The following DMD variants were observed in gnomAD, a reference collection of about 807,000 sequenced individuals.
DMD encodes the protein dystrophin.
DMD carries 63 observed loss-of-function variants against 330.1 expected under a neutral mutation model. That is an observed-to-expected ratio of 0.19 (90% CI 0.16 to 0.24). DMD has a LOEUF of 0.24. Among genes scored for constraint, DMD ranks in the 10% least tolerant of loss-of-function variants. The pLI is 1.00. For missense variants in DMD, 3,344 were observed against 2,684.1 expected, an observed-to-expected ratio of 1.25 and a Z score of -5.43; for synonymous variants, 1,223 against 959.8, an observed-to-expected ratio of 1.27 and a Z score of -5.07.
At position 31,421,987 on chromosome X, in the gene DMD, G is replaced by GTA. The variant is rs2063441364; in HGVS notation, c.9084+22492_9084+22493dup. Among the ~76,000 whole-genome samples, 3 of 49,280 alleles carry GTA rather than the reference G, an allele frequency of 6.1e-5. No homozygotes were observed. In the South Asian group the frequency reaches 2.5e-3, roughly 41 times the overall value. 42.8% of individuals were successfully genotyped at this position (49,280 alleles called of 115,157 possible). On this transcript the variant is annotated intron_variant, in intron 60 of 78. Coordinates refer to ENST00000357033, the MANE Select transcript of DMD (RefSeq NM_004006.3). Reference sequence around the variant, plus strand: ...CATATATATATACACATATATATATGTATATATACACACACATATATATAT... The same window carrying GTA: ...CATATATATATACACATATATATATGTATATATATACACACACATATATATAT...
chrX:31,448,772 T>C (rs1305707144), intron 59 of DMD, among the ~76,000 whole-genome samples: 1 of 112,000 alleles, frequency 8.9e-6, no homozygotes, highest in Non-Finnish European at 1.9e-5. Flanking sequence ...GCAAACCAAG[T>C]CTAATTTTAT....
intron 55 of DMD, among the ~76,000 whole-genome samples, chrX:31,608,678 G>A (rs1023320561): frequency 1.3e-4 from 14 of 111,217 alleles, no homozygotes; most frequent in African/African-American, 3.3e-4. Flanking sequence ...GTCTTTTATC[G>A]TTTTCCTGAG....
rs146545055 is a variant in DMD at position 32,746,331 on chromosome X, C to T, written c.650-47038G>A. 3.7e-3 allele frequency among the ~76,000 whole-genome samples: 413 copies of T among 110,773 alleles called. 3 individuals carry two copies. Among genetic ancestry groups the T allele is most frequent in the African/African-American group, 0.012 (376 of 30,444 alleles). On this transcript the variant is annotated intron_variant, in intron 7 of 78. Transcript: ENST00000357033. ...GGAAAGTATATGGAAACTATGTTCACGTTTTTTATTTTTCAAGAAAATCTA... is the reference window on the plus strand; with the variant it reads ...GGAAAGTATATGGAAACTATGTTCATGTTTTTTATTTTTCAAGAAAATCTA...
At chrX:32,288,600 A>G (rs1264646572) in intron 42 of DMD, among the ~76,000 whole-genome samples, 2 of 111,926 alleles carry the variant, frequency 1.8e-5, no homozygotes, top group Non-Finnish European at 3.8e-5. Flanking sequence ...CATAATTGGG[A>G]TCATATCACT....
intron 11 of DMD, among the ~76,000 whole-genome samples, chrX:32,622,818 C>T (rs1451253052): frequency 9.0e-6 from 1 of 111,713 alleles, no homozygotes; most frequent in Non-Finnish European, 1.9e-5. Flanking sequence ...TACAGCCCAC[C>T]TGGTGATTCT....
At chrX:32,699,367 C>T in intron 7 of DMD, 74 bp from the exon 8 acceptor site, 2 of 842,689 alleles carry the variant, frequency 2.4e-6, no homozygotes, top group East Asian at 3.1e-5. Context: ...ATGAACAAAT[C>T]AAAGTTAAAG....
At chrX:32,639,550 T>A (rs1190831319) in intron 11 of DMD, among the ~76,000 whole-genome samples, 1 of 112,457 alleles carries the variant, frequency 8.9e-6, no homozygotes, top group South Asian at 3.6e-4. Flanking sequence ...GCCAAACTCA[T>A]TTGTGACTGG....
intron 33 of DMD, among the ~76,000 whole-genome samples, chrX:32,381,724 T>C (rs2097925799): frequency 1.8e-5 from 2 of 111,564 alleles, no homozygotes; most frequent in Non-Finnish European, 3.8e-5. Flanking sequence ...TGGTAGAATT[T>C]ACATAAAGAG....
chrX:32,747,638 C>A (rs1034397117), intron 7 of DMD, among the ~76,000 whole-genome samples: 1 of 107,280 alleles, frequency 9.3e-6, no homozygotes, highest in Non-Finnish European at 1.9e-5. Context: ...CAGGTTTGCA[C>A]TACCACACCT....
chrX:31,451,331 G>A (rs1404521386), intron 59 of DMD, among the ~76,000 whole-genome samples: 1 of 97,078 alleles, frequency 1.0e-5, no homozygotes, highest in Middle Eastern at 4.7e-3. Flanking sequence ...TGCCCAGGCT[G>A]GAGTACAATG....
At chrX:32,681,425 G>A (rs1423391991) in intron 9 of DMD, among the ~76,000 whole-genome samples, 2 of 111,627 alleles carry the variant, frequency 1.8e-5, no homozygotes, top group African/African-American at 6.5e-5. Context: ...ATCCCACCTT[G>A]TATTACTCAT....
chrX:32,526,388 G>T (rs1311465288), intron 17 of DMD, among the ~76,000 whole-genome samples: 1 of 110,436 alleles, frequency 9.1e-6, no homozygotes, highest in Non-Finnish European at 1.9e-5. Flanking sequence ...ATTAAAACTT[G>T]TAAAGTCCCA....
In DMD at chrX:31,214,342, C is replaced by T. The variant is rs1338824826; in HGVS notation, c.9362-4643G>A. ...AATATTCCAAAATAAGATACTATGG[C>T]TATTAGTTGGTACTTAAGCACAAGC... On this transcript the variant is annotated intron_variant, in intron 64 of 78. Coordinates refer to ENST00000357033, the MANE Select transcript of DMD (RefSeq NM_004006.3). Among the ~76,000 whole-genome samples, 5 of 112,163 alleles carry T rather than the reference C, an allele frequency of 4.5e-5. No individual in the cohort carries two copies. In the East Asian group the frequency reaches 8.4e-4, roughly 19 times the overall value.
intron 5 of DMD, among the ~76,000 whole-genome samples, chrX:32,822,777 TAG>T (rs1342870607): frequency 9.0e-6 from 1 of 110,788 alleles, no homozygotes; most frequent in Admixed American, 9.6e-5. Flanking sequence ...AGAGGTCAAA[TAG>T]ACAGTCGGAA....
intron 1 of DMD, among the ~76,000 whole-genome samples, chrX:33,147,589 A>G (rs1030644883): frequency 8.9e-6 from 1 of 111,997 alleles, no homozygotes; most frequent in African/African-American, 3.2e-5. Flanking sequence ...TAAGTAGAAT[A>G]ACACACACCA....
At chrX:33,139,349 T>C (rs1294543407) in intron 1 of DMD, among the ~76,000 whole-genome samples, 3 of 109,659 alleles carry the variant, frequency 2.7e-5, no homozygotes, top group Non-Finnish European at 3.9e-5. Flanking sequence ...CCCCAATGTT[T>C]GTTTGTTTGT....
chrX:32,184,037 C>T (rs1440725913), intron 44 of DMD, among the ~76,000 whole-genome samples: 1 of 110,240 alleles, frequency 9.1e-6, no homozygotes, highest in Non-Finnish European at 1.9e-5. Flanking sequence ...TCTTAAATGA[C>T]TGAAAATAAT....
At chrX:32,296,117 C>T (rs764076459) in intron 42 of DMD, among the ~76,000 whole-genome samples, 1 of 112,240 alleles carries the variant, frequency 8.9e-6, no homozygotes, top group African/African-American at 3.2e-5. Context: ...AGCAGCCGGG[C>T]GCGGTGGCTC....
rs773057621 is a variant in DMD, at chrX:31,370,404, G to T, written c.9085-21770C>A. Among the ~76,000 whole-genome samples, 4 of 112,051 alleles carry T rather than the reference G, an allele frequency of 3.6e-5. No homozygotes were observed. The South Asian group carries it at 1.1e-3, about 31-fold the overall frequency. ...CATGAACAGACATTTCAATGAGGAG[G>T]ATATACATATGGCAAACAAGTACAG... On this transcript the variant is annotated intron_variant, in intron 60 of 78. Coordinates refer to ENST00000357033, the MANE Select transcript of DMD (RefSeq NM_004006.3).
Sources: gnomAD v4.1 joint callset for allele counts (sites outside exome capture counted in the v4.1 genomes callset) on GRCh38, gnomAD v4.1.1 for gene constraint, MANE v1.5 for transcripts, NCBI Gene and HGNC (gene_info 2026-07-23, HGNC 2026-07-21) for gene names.